Variants in PLEKHA5 observed in about 807,000 individuals in gnomAD.
PLEKHA5 encodes the protein pleckstrin homology domain-containing family A member 5.
In PLEKHA5, 55 loss-of-function variants were observed where a neutral mutation model predicts 181.9. That is an observed-to-expected ratio of 0.30 (90% CI 0.24 to 0.38). The LOEUF is 0.38. Among genes scored for constraint, PLEKHA5 ranks in the 10% least tolerant of loss-of-function variants. PLEKHA5 has a pLI of 1.00. For missense variants in PLEKHA5, 1,432 were observed against 1,549.5 expected (o/e 0.92, Z 1.27); for synonymous variants, 535 against 529.4 (o/e 1.01, Z -0.15).
chr12:19,335,561 G>A (rs1045706166), intron 20 of PLEKHA5, among the ~76,000 whole-genome samples: 18 of 148,072 alleles, frequency 1.2e-4, no homozygotes, highest in African/African-American at 4.5e-4. Context: ...GATTACAGGC[G>A]CCTGCCACTG....
intron 3 of PLEKHA5, among the ~76,000 whole-genome samples, chr12:19,132,923 C>CTTTTTTTTTTTT (rs35045706): frequency 8.5e-6 from 1 of 118,292 alleles, no homozygotes. Context: ...ACGTGAACAT[C>CTTTTTTTTTTTT]TTTTTTTTTT....
Position 19,270,968 on chromosome 12 carries a change from AAATC to A in PLEKHA5, c.845+766_845+769del, listed in dbSNP as rs539244220. 2.8e-4 allele frequency among the ~76,000 whole-genome samples: 42 copies of A among 152,322 alleles called. 1 individual carries two copies. The highest frequency in any genetic ancestry group is 2.1e-3 in the Admixed American group (32 of 15,296). On this transcript the variant is annotated intron_variant, in intron 10 of 31. Coordinates refer to ENST00000429027, the MANE Select transcript of PLEKHA5 (RefSeq NM_001256470.2). ...TGCTATTTTTGTAAATATCAAGTCT[AAATC>A]AAGTTACCCAATCACTAGTAATTAG...
chr12:19,314,863 A>G lies in PLEKHA5; in HGVS notation c.2087A>G (p.Asn696Ser), dbSNP rs1165336401. The change falls in exon 16 of 32, where the codon AAC becomes AGC. Residue 696 changes from asparagine to serine, a missense_variant. By Grantham distance (46) the Asn-to-Ser change is conservative. Transcript: ENST00000429027. ...ACCATGGTTCACACAATGATTGAGA[A>G]CTCGGCGCTAAGACCCCAACTGTAC... ...IITMVHTMIE[N>S]SALRPQLYQQ... 5.2e-6 allele frequency: 8 copies of G among 1,548,304 alleles called. No homozygotes were observed. Among genetic ancestry groups the G allele is most frequent in the Non-Finnish European group, 6.1e-6 (7 of 1,144,130 alleles).
intron 3 of PLEKHA5, among the ~76,000 whole-genome samples, chr12:19,203,903 A>G (rs2054778694): frequency 6.6e-6 from 1 of 152,088 alleles, no homozygotes; most frequent in African/African-American, 2.4e-5. Context: ...TAGGAATCAT[A>G]GAGCTTTCTT....
Position 19,274,643 on chromosome 12 carries a change from A to C in PLEKHA5, c.973A>C (p.Lys325Gln). ...CAAGGAAATGAGCAAAATTGAAGAA[A>C]AAAAGGCATTAGAAGCTGAAAAATA... Reference protein sequence around the residue: ...KNKEMSKIEEKKALEAEKYGF... With the variant: ...KNKEMSKIEEQKALEAEKYGF... Residue 325 changes from lysine to glutamine, a missense_variant, in exon 11 of 32, where the codon AAA becomes CAA. Physicochemically the swap from Lys to Gln is moderately conservative, Grantham distance 53. Around this residue, in one of 2 missense-constraint regions of PLEKHA5, gnomAD observed 1,143 missense variants for 1,168.4 expected, o/e 0.98. Coordinates refer to ENST00000429027, the MANE Select transcript of PLEKHA5 (RefSeq NM_001256470.2). 1 of 1,613,966 alleles carries C rather than the reference A, an allele frequency of 6.2e-7. No individual in the cohort carries two copies. Among genetic ancestry groups the C allele is most frequent in the Non-Finnish European group, 8.5e-7 (1 of 1,179,822 alleles).
At position 19,134,345 on chromosome 12, in the gene PLEKHA5, T is replaced by G. The variant is rs911689860; in HGVS notation, c.227+1895T>G. Reference sequence around the variant, plus strand: ...AATAATTTTACTTTAAAGACATTTTTAAACTTGTAGGTTTTAATCATTTTG... The same window carrying G: ...AATAATTTTACTTTAAAGACATTTTGAAACTTGTAGGTTTTAATCATTTTG... On this transcript the variant is annotated intron_variant, in intron 3 of 31. Transcript: ENST00000429027. Among the ~76,000 whole-genome samples the G allele has an allele frequency of 3.9e-5, 6 of 152,240 alleles. No homozygotes were observed. The East Asian group carries it at 1.2e-3, about 29-fold the overall frequency.
chr12:19,274,160 G>T (rs376642568), intron 10 of PLEKHA5, among the ~76,000 whole-genome samples: 2 of 152,352 alleles, frequency 1.3e-5, no homozygotes, highest in South Asian at 2.1e-4. Flanking sequence ...GGAGCCATGT[G>T]GCTCCTTTCA....
At chr12:19,164,191 G>GTTTTTTTTT (rs199683682) in intron 3 of PLEKHA5, among the ~76,000 whole-genome samples, 6 of 119,208 alleles carry the variant, frequency 5.0e-5, no homozygotes, top group Admixed American at 2.1e-4. Flanking sequence ...CTCTCCAGAT[G>GTTTTTTTTT]TTTTTGTTTT....
At chr12:19,345,091 G>A (rs2094220263) in intron 22 of PLEKHA5, among the ~76,000 whole-genome samples, 1 of 151,388 alleles carries the variant, frequency 6.6e-6, no homozygotes, top group Admixed American at 6.6e-5. Flanking sequence ...GGGCAACAGA[G>A]TGAAAAACAA....
chr12:19,197,444 T>C (rs560102537), intron 3 of PLEKHA5, among the ~76,000 whole-genome samples: 91 of 152,322 alleles, frequency 6.0e-4, no homozygotes, highest in Middle Eastern at 6.8e-3. Context: ...TGAATGATGC[T>C]TATCCTGACT....
intron 25 of PLEKHA5, among the ~76,000 whole-genome samples, chr12:19,349,352 GC>G: frequency 6.6e-6 from 1 of 152,206 alleles, no homozygotes; most frequent in South Asian, 2.1e-4. Context: ...TGGGGATCAA[GC>G]ATTCCTTCCA....
intron 1 of PLEKHA5, 70 bp from the exon 2 acceptor site, chr12:19,129,981 C>T (rs1363037597): frequency 7.6e-6 from 11 of 1,453,764 alleles, no homozygotes; most frequent in Non-Finnish European, 1.0e-5. Context: ...GTCTGTGCTC[C>T]TGCAGCCCCT....
chr12:19,270,459 A>T (rs547200690), intron 10 of PLEKHA5, among the ~76,000 whole-genome samples: 6 of 152,244 alleles, frequency 3.9e-5, no homozygotes, highest in South Asian at 2.1e-4. Flanking sequence ...TTCGTCAAGC[A>T]TTTAGATTGT....
rs532180126 is a variant in PLEKHA5, at chr12:19,215,091, C to A, written c.228-38849C>A. On this transcript the variant is annotated intron_variant, in intron 3 of 31. Transcript: ENST00000429027. ...ACTCCAGAGGCTGAGGCAGGAGAAT[C>A]ACTTGAACCTGAGAGGCAGAGGTTG... 3.9e-5 allele frequency among the ~76,000 whole-genome samples: 6 copies of A among 152,118 alleles called. No homozygotes were observed. The South Asian group carries it at 1.2e-3, about 32-fold the overall frequency.
intron 3 of PLEKHA5, among the ~76,000 whole-genome samples, chr12:19,135,389 G>A (rs2035311356): frequency 6.6e-6 from 1 of 152,082 alleles, no homozygotes; most frequent in African/African-American, 2.4e-5. Flanking sequence ...CCTGGAAAAG[G>A]CAACCTCTAA....
intron 3 of PLEKHA5, among the ~76,000 whole-genome samples, chr12:19,170,457 C>T (rs368917193): frequency 1.2e-3 from 181 of 151,214 alleles, no homozygotes; most frequent in Middle Eastern, 3.4e-3. Flanking sequence ...GACAGAGTCT[C>T]CCTCTGTTGC....
chr12:19,145,191 TGAGA>T (rs1014223577), intron 3 of PLEKHA5, among the ~76,000 whole-genome samples: 14 of 151,720 alleles, frequency 9.2e-5, no homozygotes, highest in Admixed American at 7.2e-4. Context: ...TGTGTGTGTG[TGAGA>T]GAGAGAGAGA....
At chr12:19,209,851 TTAGTC>T (rs1480687763) in intron 3 of PLEKHA5, among the ~76,000 whole-genome samples, 1 of 152,156 alleles carries the variant, frequency 6.6e-6, no homozygotes, top group Non-Finnish European at 1.5e-5. Context: ...TTTGAGAAAG[TTAGTC>T]AAAGCTTTAG....
Position 19,347,031 on chromosome 12 carries a change from G to A in PLEKHA5, c.2747G>A (p.Arg916Gln), listed in dbSNP as rs1204611547. The A allele has an allele frequency of 5.8e-6, 9 of 1,550,202 alleles. 1 individual carries two copies. The Admixed American group carries it at 7.9e-5, about 14-fold the overall frequency. The change falls in exon 24 of 32, where the codon CGG becomes CAG. Residue 916 changes from arginine to glutamine, a missense_variant. Around this residue, in one of 2 missense-constraint regions of PLEKHA5, gnomAD observed 1,143 missense variants for 1,168.4 expected, o/e 0.98. Transcript: ENST00000429027. ...EVVPPRPPLP[R>Q]SYDFTEQPPI... ...GTCCCACCTCGTCCTCCACTTCCTC[G>A]GTCCTATGACTTTACAGAGCAGCCT...
Sources: allele counts gnomAD v4.1 joint callset (sites outside exome capture counted in the v4.1 genomes callset), GRCh38; gene constraint gnomAD v4.1.1; regional missense constraint gnomAD v4.1.1; transcripts MANE v1.5; gene names NCBI Gene and HGNC (gene_info 2026-07-23, HGNC 2026-07-21).